Variants in DCDC2C observed in about 807,000 individuals in gnomAD.
The protein encoded by DCDC2C is doublecortin domain containing 2C.
Under a neutral mutation model 45.0 loss-of-function variants are expected in DCDC2C, and 44 were observed. The observed-to-expected ratio is 0.98, with a 90% CI of 0.77 to 1.26. DCDC2C has a LOEUF of 1.26. Among genes scored for constraint, DCDC2C ranks in the 50% most tolerant of loss-of-function variants. The probability of loss-of-function intolerance (pLI) is 0.00; values close to 1 mark genes in which losing one functional copy is unlikely to be tolerated. For missense variants in DCDC2C, 447 were observed against 468.9 expected, an observed-to-expected ratio of 0.95 and a Z score of 0.43; for synonymous variants, 187 against 178.8, an observed-to-expected ratio of 1.05 and a Z score of -0.37.
chr2:3,738,539 GGAAAAAAAAAAAAAA>G (rs1490870043), intron 3 of DCDC2C, among the ~76,000 whole-genome samples: 1 of 55,248 alleles, frequency 1.8e-5, no homozygotes, highest in African/African-American at 7.1e-5. Flanking sequence ...GGTCTATCTG[GGAAAAAAAAAAAAAA>G]AAAAAAAAAA....
At chr2:3,813,047 ATATATATATATATATATATATTTTTTTTT>A (rs1558238599) in intron 10 of DCDC2C, among the ~76,000 whole-genome samples, 1 of 23,422 alleles carries the variant, frequency 4.3e-5, no homozygotes, top group East Asian at 3.0e-3. Context: ...ACGTATATAT[ATATATATATATATATATATATTTTTTTTT>A]TTTTGCTGTT....
At chr2:3,845,973 T>A (rs542937989) in intron 10 of DCDC2C, among the ~76,000 whole-genome samples, 1 of 152,138 alleles carries the variant, frequency 6.6e-6, no homozygotes. Flanking sequence ...AATTTAGAGA[T>A]CACAGAATTC....
chr2:3,811,246 C>T (rs1169487454), intron 10 of DCDC2C, among the ~76,000 whole-genome samples: 2 of 152,166 alleles, frequency 1.3e-5, no homozygotes, highest in Non-Finnish European at 2.9e-5. Flanking sequence ...TGCATCCTCT[C>T]TTATTTCCTT....
intron 10 of DCDC2C, among the ~76,000 whole-genome samples, chr2:3,834,162 G>C (rs1488739019): frequency 7.3e-6 from 1 of 136,786 alleles, no homozygotes; most frequent in African/African-American, 2.7e-5. Context: ...TGGTACATTT[G>C]TTACAACTGA....
chr2:3,808,453 G>A (rs111625037), intron 10 of DCDC2C, among the ~76,000 whole-genome samples: 7,770 of 151,976 alleles, frequency 0.051, 244 homozygotes, highest in African/African-American at 0.084. Flanking sequence ...GTGCAGTGGC[G>A]TGATCTTGGC....
At chr2:3,768,635 G>A (rs774648685) in intron 7 of DCDC2C, among the ~76,000 whole-genome samples, 3 of 152,186 alleles carry the variant, frequency 2.0e-5, no homozygotes, top group Non-Finnish European at 4.4e-5. Flanking sequence ...GTGCAGTGGT[G>A]TGATCTCAGC....
intron 3 of DCDC2C, among the ~76,000 whole-genome samples, chr2:3,730,740 C>T (rs951190136): frequency 6.6e-6 from 1 of 152,230 alleles, no homozygotes; most frequent in Non-Finnish European, 1.5e-5. Context: ...TGGGTCGTGA[C>T]TGCCCTCAGC....
chr2:3,844,469 A>G (rs556547803), intron 10 of DCDC2C: 3 of 152,704 alleles, frequency 2.0e-5, no homozygotes, highest in East Asian at 1.9e-4. Flanking sequence ...AGAGTTGCCC[A>G]TGTAGCCATG....
At chr2:3,739,761 A>G (rs1265027867) in intron 3 of DCDC2C, among the ~76,000 whole-genome samples, 3 of 152,256 alleles carry the variant, frequency 2.0e-5, no homozygotes, top group South Asian at 2.1e-4. Flanking sequence ...CCCGGGATAC[A>G]AAGCCCTTTG....
At chr2:3,712,862 A>C (rs1572550784) in intron 2 of DCDC2C, among the ~76,000 whole-genome samples, 1 of 152,260 alleles carries the variant, frequency 6.6e-6, no homozygotes, top group South Asian at 2.1e-4. Context: ...CATCGTGTTC[A>C]ATGTCCAGAA....
chr2:3,710,710 C>T (rs935405656), intron 2 of DCDC2C, among the ~76,000 whole-genome samples: 2 of 152,150 alleles, frequency 1.3e-5, no homozygotes, highest in South Asian at 2.1e-4. Context: ...GTTTAGTTCC[C>T]ACTTACAGGT....
intron 10 of DCDC2C, among the ~76,000 whole-genome samples, chr2:3,844,869 G>A (rs1672290717): frequency 6.6e-6 from 1 of 152,140 alleles, no homozygotes; most frequent in Non-Finnish European, 1.5e-5. Flanking sequence ...ATTCTAGAGT[G>A]ACTTAGCCAC....
At chr2:3,819,887 G>C (rs1014363576) in intron 10 of DCDC2C, among the ~76,000 whole-genome samples, 6 of 152,212 alleles carry the variant, frequency 3.9e-5, no homozygotes, top group Admixed American at 6.5e-5. Flanking sequence ...GTGAGAAGGG[G>C]AGGTGATAGA....
At chr2:3,754,664 C>T in intron 6 of DCDC2C, 30 bp downstream of exon 6, 2 of 1,541,296 alleles carry the variant, frequency 1.3e-6, no homozygotes, top group East Asian at 4.9e-5. Flanking sequence ...AAGTAAGTAA[C>T]TTGTTTCTGA....
chr2:3,790,180 G>A (rs12477904), intron 10 of DCDC2C, among the ~76,000 whole-genome samples: 15,083 of 152,188 alleles, frequency 0.099, 1,014 homozygotes, highest in East Asian at 0.3. Flanking sequence ...CCTTCTGCCA[G>A]TGTTTACCCA....
chr2:3,827,961 G>C (rs1671866650), intron 10 of DCDC2C, among the ~76,000 whole-genome samples: 1 of 151,954 alleles, frequency 6.6e-6, no homozygotes, highest in African/African-American at 2.4e-5. Flanking sequence ...GTGACAATTT[G>C]CCCCAGAAAA....
At chr2:3,760,963 C>T (rs1198131181) in intron 6 of DCDC2C, among the ~76,000 whole-genome samples, 3 of 152,144 alleles carry the variant, frequency 2.0e-5, no homozygotes, top group Non-Finnish European at 4.4e-5. Flanking sequence ...GTTCACTTCA[C>T]TTATTGCTTG....
intron 10 of DCDC2C, among the ~76,000 whole-genome samples, chr2:3,788,687 A>G (rs1367563828): frequency 2.6e-5 from 4 of 152,188 alleles, no homozygotes; most frequent in African/African-American, 9.7e-5. Context: ...GCGTGATCCT[A>G]TCAAAGCAAA....
chr2:3,722,508 T>A (rs1668529325), intron 2 of DCDC2C, among the ~76,000 whole-genome samples: 1 of 152,214 alleles, frequency 6.6e-6, no homozygotes, highest in African/African-American at 2.4e-5. Flanking sequence ...GAGATACACC[T>A]GTGGTCATCT....
Sources: gnomAD v4.1 joint callset for allele counts (sites outside exome capture counted in the v4.1 genomes callset) on GRCh38, gnomAD v4.1.1 for gene constraint, MANE v1.5 for transcripts, NCBI Gene and HGNC (gene_info 2026-07-23, HGNC 2026-07-21) for gene names.